The following MT1G variants were observed in gnomAD, a reference collection of about 807,000 sequenced individuals.
The protein encoded by MT1G is metallothionein 1G.
Under a neutral mutation model 9.1 loss-of-function variants are expected in MT1G, and 8 were observed. The observed-to-expected ratio is 0.87, with a 90% CI of 0.51 to 1.58. The LOEUF is 1.58. Among genes scored for constraint, MT1G ranks in the 40% most tolerant of loss-of-function variants. MT1G has a pLI of 0.00. For missense variants in MT1G, 79 were observed against 77.3 expected (o/e 1.02, Z -0.08); for synonymous variants, 31 against 28.4 (o/e 1.09, Z -0.29).
At chr16:56,667,114 C>T in intron 2 of MT1G, 144 bp from the exon 3 acceptor site, 3 of 1,555,982 alleles carry the variant, frequency 1.9e-6, no homozygotes, top group Non-Finnish European at 1.8e-6. Context: ...AACTGGTGGA[C>T]ATTGGAATGG....
In MT1G at chr16:56,667,295, G is replaced by A. The variant is rs1235829797; in HGVS notation, c.97+17C>T. On this transcript the variant is annotated intron_variant, in intron 2 of 2. Coordinates refer to ENST00000379811, the MANE Select transcript of MT1G (RefSeq NM_001301267.2). ...TTAGCCACAGCCCCAGATTCCTGGAGATGGCCCCGCACTCACTCTTCTTGC... is the reference window on the plus strand; with the variant it reads ...TTAGCCACAGCCCCAGATTCCTGGAAATGGCCCCGCACTCACTCTTCTTGC... 1.2e-6 allele frequency: 2 copies of A among 1,614,288 alleles called. No homozygotes were observed. The highest frequency in any genetic ancestry group is 8.5e-7 in the Non-Finnish European group (1 of 1,180,050).
intron 2 of MT1G, 34 bp downstream of exon 2, chr16:56,667,278 A>T (rs1960795369): frequency 1.2e-6 from 2 of 1,614,238 alleles, no homozygotes. Flanking sequence ...CCTTAGCCAC[A>T]GCCCCAGATT....
In MT1G at chr16:56,667,059, C is replaced by G. The variant is rs558792251; in HGVS notation, c.98-89G>C. ...GAGGCCTGTCTCCATCCCTCCAGCCCCAGAGGACCCTTAGTTCATGATGGC... is the reference window on the plus strand; with the variant it reads ...GAGGCCTGTCTCCATCCCTCCAGCCGCAGAGGACCCTTAGTTCATGATGGC... On this transcript the variant is annotated intron_variant, in intron 2 of 2. Coordinates refer to ENST00000379811, the MANE Select transcript of MT1G (RefSeq NM_001301267.2). 3.4e-5 allele frequency: 54 copies of G among 1,596,228 alleles called. No individual in the cohort carries two copies. In the African/African-American group the frequency reaches 7.0e-4, roughly 21 times the overall value.
At chr16:56,667,020 T>C in intron 2 of MT1G, 50 bp from the exon 3 acceptor site, 7 of 1,610,000 alleles carry the variant, frequency 4.3e-6, no homozygotes, top group Non-Finnish European at 5.9e-6. Context: ...ATCAGAGAAC[T>C]CCCTGCCCCA....
At chr16:56,667,068 C>A in intron 2 of MT1G, 98 bp from the exon 3 acceptor site, 1 of 1,592,070 alleles carries the variant, frequency 6.3e-7, no homozygotes, top group Non-Finnish European at 8.6e-7. Context: ...CCCAGAGGAC[C>A]CTTAGTTCAT....
rs540492094 is a variant in MT1G at position 56,667,848 on chromosome 16, C to A, written c.28+118G>T. 15 of 1,193,662 alleles carry A rather than the reference C, an allele frequency of 1.3e-5. No homozygotes were observed. The Admixed American group carries it at 2.2e-4, about 18-fold the overall frequency. The allele number at this position is 1,193,662 out of a possible 1,614,324, so 73.9% of individuals were successfully genotyped here. ...CTTGGCCAACAGGAAAGCACTGGAC[C>A]AATAAAGGAGTCCCCTTTACCTCTG... On this transcript the variant is annotated intron_variant, in intron 1 of 2. Coordinates refer to ENST00000379811, the MANE Select transcript of MT1G (RefSeq NM_001301267.2).
At chr16:56,667,183 G>A (rs1299243969) in intron 2 of MT1G, 129 bp downstream of exon 2, 1 of 1,572,076 alleles carries the variant, frequency 6.4e-7, no homozygotes, top group Non-Finnish European at 8.7e-7. Context: ...CAGAAGACTA[G>A]ACAGGCAGTG....
intron 1 of MT1G, 49 bp from the exon 2 acceptor site, chr16:56,667,429 G>A (rs764727474): frequency 6.2e-7 from 1 of 1,612,644 alleles, no homozygotes. Flanking sequence ...AGAAGGTACA[G>A]CAGTGGGTCA....
chr16:56,667,799 G>T (rs1461956438), intron 1 of MT1G, among the ~76,000 whole-genome samples, 167 bp downstream of exon 1: 1 of 152,174 alleles, frequency 6.6e-6, no homozygotes, highest in Non-Finnish European at 1.5e-5. Context: ...AGAGGAACAG[G>T]GAGGAGGAAA....
At chr16:56,667,256 G>T (rs1960795066) in intron 2 of MT1G, 56 bp downstream of exon 2, 7 of 1,614,042 alleles carry the variant, frequency 4.3e-6, no homozygotes, top group Non-Finnish European at 5.9e-6. Context: ...ACAGCCTTGG[G>T]TTCCCTCCCA....
chr16:56,667,024 T>C (rs1960789350), intron 2 of MT1G, 54 bp from the exon 3 acceptor site: 1 of 1,609,854 alleles, frequency 6.2e-7, no homozygotes, highest in South Asian at 1.1e-5. Flanking sequence ...GAGAACTCCC[T>C]GCCCCAACAG....
chr16:56,667,788 T>C (rs558048662), intron 1 of MT1G, among the ~76,000 whole-genome samples, 178 bp downstream of exon 1: 91 of 152,212 alleles, frequency 6.0e-4, no homozygotes, highest in African/African-American at 1.7e-3. Context: ...AACTCTGACA[T>C]AGAGGAACAG....
intron 1 of MT1G, among the ~76,000 whole-genome samples, chr16:56,667,643 C>A (rs776249598): frequency 3.9e-5 from 6 of 152,210 alleles, no homozygotes; most frequent in Non-Finnish European, 8.8e-5. Flanking sequence ...CTGGAAGAGG[C>A]AATGTCCCCT....
At position 56,666,855 on chromosome 16, in the gene MT1G, CT is replaced by C. The variant is rs1254689206; in HGVS notation, c.*23del. On this transcript the variant is annotated 3_prime_UTR_variant, in exon 3 of 3. Transcript: ENST00000379811. ...GATTTTACGGGTCACTCTATTTGTA[CT>C]TGGGAGCAGGGCTGTCCCGACATCA... 5.6e-6 allele frequency: 9 copies of C among 1,612,676 alleles called. No individual in the cohort carries two copies.
intron 2 of MT1G, 66 bp from the exon 3 acceptor site, chr16:56,667,036 G>T (rs1006904373): frequency 6.2e-7 from 1 of 1,606,196 alleles, no homozygotes; most frequent in Non-Finnish European, 8.5e-7. Flanking sequence ...CCCCAACAGA[G>T]GCCTGTCTCC....
Position 56,666,925 on chromosome 16 carries a change from C to T in MT1G, c.143G>A (p.Gly48Asp), listed in dbSNP as rs202203178. ...CPVGCAKCAQ[G>D]CICKGASEKC... ...CTCCGATGCCCCTTTGCAGATGCAG[C>T]CCTGGGCACACTTGGCACAGCCCAC... The change falls in exon 3 of 3, where the codon GGC becomes GAC. Residue 48 changes from glycine to aspartate, a missense_variant. Coordinates refer to ENST00000379811, the MANE Select transcript of MT1G (RefSeq NM_001301267.2). The T allele has an allele frequency of 1.1e-4, 184 of 1,614,208 alleles. 1 individual carries two copies. The East Asian group carries it at 4.1e-3, about 36-fold the overall frequency.
Position 56,668,055 on chromosome 16 carries a change from G to A in MT1G, c.-62C>T. The A allele has an allele frequency of 5.1e-6, 8 of 1,581,890 alleles. No homozygotes were observed. Among genetic ancestry groups the A allele is most frequent in the Non-Finnish European group, 6.9e-6 (8 of 1,151,574 alleles). ...AGGGAAGAGGCAGTGGGTGCACGTG[G>A]AAGGCGGAGTGGAGCCCAACAGCCA... On this transcript the variant is annotated 5_prime_UTR_variant, in exon 1 of 3. Transcript: ENST00000379811.
At chr16:56,667,432 G>C in intron 1 of MT1G, 52 bp from the exon 2 acceptor site, 2 of 1,611,854 alleles carry the variant, frequency 1.2e-6, no homozygotes, top group Non-Finnish European at 1.7e-6. Context: ...AGGTACAGCA[G>C]TGGGTCAATG....
At chr16:56,667,157 T>A (rs1342940634) in intron 2 of MT1G, 155 bp downstream of exon 2, 2 of 1,547,734 alleles carry the variant, frequency 1.3e-6, no homozygotes, top group African/African-American at 2.7e-5. Context: ...CCACCTCACA[T>A]AAGCCCTGGA....
Sources: allele counts gnomAD v4.1 joint callset (sites outside exome capture counted in the v4.1 genomes callset), GRCh38; gene constraint gnomAD v4.1.1; transcripts MANE v1.5; gene names NCBI Gene and HGNC (gene_info 2026-07-23, HGNC 2026-07-21).